The following ZNF160 variants were observed in gnomAD, a reference collection of about 807,000 sequenced individuals.
ZNF160 encodes the protein KRAB zinc finger protein KR18.
ZNF160 carries 9 observed loss-of-function variants against 13.1 expected under a neutral mutation model. The observed-to-expected ratio is 0.69, with a 90% CI of 0.41 to 1.20. The LOEUF (loss-of-function observed/expected upper bound fraction) is 1.20. Among genes scored for constraint, ZNF160 ranks in the 50% most tolerant of loss-of-function variants. The pLI is 0.01. For synonymous variants in ZNF160, 293 were observed against 333.2 expected (o/e 0.88, Z 1.31); for missense variants, 838 against 988.0 (o/e 0.85, Z 2.04).
chr19:53,091,000 C>T (rs1341683529), intron 2 of ZNF160: 3 of 152,294 alleles, frequency 2.0e-5, no homozygotes, highest in East Asian at 1.9e-4. Context: ...CTCTCATGGA[C>T]ACCTCTGAAT....
At position 53,073,523 on chromosome 19, in the gene ZNF160, G is replaced by T. The variant is rs1400021304; in HGVS notation, c.271+617C>A. ...TCCTGAGCAGGTCTTCCACGCACAG[G>T]AAATGGGGTGGAACATAAACAGGTC... On this transcript the variant is annotated intron_variant, in intron 5 of 5. Coordinates refer to ENST00000683776, the MANE Select transcript of ZNF160 (RefSeq NM_001322131.2). 2.5e-6 allele frequency: 4 copies of T among 1,592,890 alleles called. No homozygotes were observed. In the African/African-American group the frequency reaches 5.3e-5, roughly 21 times the overall value.
intron 3 of ZNF160, among the ~76,000 whole-genome samples, chr19:53,082,081 G>A (rs1250421676): frequency 1.3e-5 from 2 of 152,132 alleles, no homozygotes; most frequent in Non-Finnish European, 2.9e-5. Flanking sequence ...CAAACACAAA[G>A]ATGAGAACAA....
chr19:53,081,072 G>C (rs1330601644), intron 3 of ZNF160, among the ~76,000 whole-genome samples: 2 of 152,074 alleles, frequency 1.3e-5, no homozygotes, highest in African/African-American at 4.8e-5. Flanking sequence ...AAATTAACTT[G>C]AGATGGATTA....
chr19:53,098,886 T>A (rs2085338338), intron 1 of ZNF160, among the ~76,000 whole-genome samples: 1 of 150,832 alleles, frequency 6.6e-6, no homozygotes, highest in Non-Finnish European at 1.5e-5. Context: ...TTTTCAGGCC[T>A]CAGTGAGGCC....
At chr19:53,073,940 C>T (rs2084280424) in intron 5 of ZNF160, among the ~76,000 whole-genome samples, 200 bp downstream of exon 5, 1 of 152,144 alleles carries the variant, frequency 6.6e-6, no homozygotes, top group South Asian at 2.1e-4. Context: ...CACACGCCAC[C>T]ATGCCCGGCT....
At position 53,075,094 on chromosome 19, in the gene ZNF160, G is replaced by A. The variant is rs780480134; in HGVS notation, c.105C>T (p.Asp35=). The change falls in exon 4 of 6, where the codon GAC becomes GAT. Residue 35 remains aspartate, a synonymous_variant. Coordinates refer to ENST00000683776, the MANE Select transcript of ZNF160 (RefSeq NM_001322131.2). ...GGTTCCAGTAGTTCTCCAACATCAC[G>A]TCCCTGTATAAGATCCTCTGAGCAG... ...LDPAQRILYR[D]VMLENYWNLV... The A allele has an allele frequency of 3.5e-5, 57 of 1,613,974 alleles. 1 individual carries two copies. The highest frequency in any genetic ancestry group is 2.7e-4 in the South Asian group (25 of 91,080).
intron 3 of ZNF160, among the ~76,000 whole-genome samples, chr19:53,079,660 C>CA (rs33935376): frequency 0.13 from 16,571 of 124,456 alleles, 1,133 homozygotes; most frequent in South Asian, 0.22. Context: ...ACAATAGCAG[C>CA]AAAAAAAAAA....
At chr19:53,078,501 G>T (rs1010763742) in intron 3 of ZNF160, among the ~76,000 whole-genome samples, 3 of 152,064 alleles carry the variant, frequency 2.0e-5, no homozygotes, top group African/African-American at 7.2e-5. Context: ...AGCTACTCAG[G>T]AGGCTGAGGC....
chr19:53,083,797 C>T (rs1449215269), intron 3 of ZNF160, among the ~76,000 whole-genome samples: 4 of 152,204 alleles, frequency 2.6e-5, no homozygotes, highest in Non-Finnish European at 5.9e-5. Context: ...GTCCCAGCTA[C>T]TCAGGAGACT....
chr19:53,073,050 C>T, intron 5 of ZNF160: 1 of 681,496 alleles, frequency 1.5e-6, no homozygotes, highest in South Asian at 3.7e-5. Flanking sequence ...TGGAAACAAG[C>T]CTATTACCAT....
chr19:53,089,276 T>C (rs977388640), intron 2 of ZNF160, among the ~76,000 whole-genome samples: 2 of 152,200 alleles, frequency 1.3e-5, no homozygotes, highest in Non-Finnish European at 2.9e-5. Context: ...AGTTGAAGTA[T>C]AAGTTCACCC....
At position 53,069,221 on chromosome 19, in the gene ZNF160, G is replaced by T. The variant is rs888951885; in HGVS notation, c.1313C>A (p.Ser438Ter). The T allele has an allele frequency of 6.2e-7, 1 of 1,611,470 alleles. No individual in the cohort carries two copies. Among genetic ancestry groups the T allele is most frequent in the Non-Finnish European group, 8.5e-7 (1 of 1,178,078 alleles). Reference protein sequence around the residue: ...NECGKVFRYNSYLGRHRRVHT... With the variant: ...NECGKVFRYN The stretch of plus-strand genomic sequence containing the variant: ...AACTCTCCGATGCCTTCCGAGGTAT[G>T]AATTGTACCTAAAGACTTTGCCACA... The change falls in exon 6 of 6, where the codon TCA becomes TAA. Residue 438 changes from serine to a stop codon, truncating the protein, a stop_gained. Coordinates refer to ENST00000683776, the MANE Select transcript of ZNF160 (RefSeq NM_001322131.2). LOFTEE classifies it low-confidence loss of function (END_TRUNC). This position sits in a 1 kb window ranked among gnomAD's most constrained non-coding sequence, Gnocchi z 4.4.
chr19:53,072,972 A>G (rs759175119), intron 5 of ZNF160: 51 of 660,048 alleles, frequency 7.7e-5, no homozygotes, highest in Non-Finnish European at 9.4e-5. Context: ...CTATATTGAC[A>G]AATTATAGTT....
chr19:53,078,005 G>A (rs2084470111), intron 3 of ZNF160, among the ~76,000 whole-genome samples: 1 of 152,052 alleles, frequency 6.6e-6, no homozygotes, highest in Middle Eastern at 3.2e-3. Flanking sequence ...ACTTTGGGAG[G>A]CTAAGGCGGG....
chr19:53,069,955 C>G lies in ZNF160; in HGVS notation c.579G>C (p.Gln193His), dbSNP rs767393674. 34 of 1,614,006 alleles carry G rather than the reference C, an allele frequency of 2.1e-5. No individual in the cohort carries two copies. The highest frequency in any genetic ancestry group is 2.9e-5 in the Non-Finnish European group (34 of 1,180,032). The change falls in exon 6 of 6, where the codon CAG (glutamine) becomes CAC (histidine). Residue 193 changes from glutamine (Q) to histidine (H), a missense_variant. This residue lies in a region of ZNF160 where 387 missense variants were observed against 402.3 expected (regional missense o/e 0.96). Coordinates refer to ENST00000683776, the MANE Select transcript of ZNF160 (RefSeq NM_001322131.2). The surrounding 1 kb of genome is among the most constrained non-coding windows in gnomAD (Gnocchi z 4.4). ...ACATTTTCCCCTCACCTTGAAATAG[C>G]TGCAGTTCAGGCAGATGAGAATGAA... ...VSFHSHLPEL[Q>H]LFQGEGKMYE...
At chr19:53,098,007 C>G (rs897597730) in intron 1 of ZNF160, among the ~76,000 whole-genome samples, 1 of 152,192 alleles carries the variant, frequency 6.6e-6, no homozygotes. Flanking sequence ...GATTCCACTG[C>G]CTTCAGTCCT....
At position 53,068,572 on chromosome 19, in the gene ZNF160, A is replaced by G; in HGVS notation, c.1962T>C (p.Cys654=). 19 of 1,614,184 alleles carry G rather than the reference A, an allele frequency of 1.2e-5. No homozygotes were observed. The highest frequency in any genetic ancestry group is 1.6e-5 in the Non-Finnish European group (19 of 1,180,040). Residue 654 remains cysteine (C), a synonymous_variant, in exon 6 of 6, where the codon TGT becomes TGC. Transcript: ENST00000683776. The part of the protein sequence containing the change: ...TGEKPYKCNE[C]GKAFSMHSNL... Reference sequence around the variant, plus strand: ...TTGAATGCATACTAAAGGCTTTCCCACACTCATTACACTTGTAAGGTTTCT... The same window carrying G: ...TTGAATGCATACTAAAGGCTTTCCCGCACTCATTACACTTGTAAGGTTTCT...
rs200786878 is a variant in ZNF160, at chr19:53,070,150, G to C, written c.384C>G (p.Asp128Glu). 208 of 1,614,108 alleles carry C rather than the reference G, an allele frequency of 1.3e-4. No homozygotes were observed. Among genetic ancestry groups the C allele is most frequent in the Non-Finnish European group, 1.7e-4 (195 of 1,180,028 alleles). ...LERHESPDIE[D>E]FSFKEPQKNV... ...TTTTCTGGGGTTCCTTGAAGGAAAA[G>C]TCTTCAATGTCAGGGCTTTCGTGTC... The change falls in exon 6 of 6, where the codon GAC becomes GAG. Residue 128 changes from aspartate (D) to glutamate (E), a missense_variant. Physicochemically the swap from Asp to Glu is conservative, Grantham distance 45 (BLOSUM62 2). Transcript: ENST00000683776.
intron 3 of ZNF160, among the ~76,000 whole-genome samples, chr19:53,078,395 G>A (rs1244697534): frequency 6.6e-6 from 1 of 151,848 alleles, no homozygotes; most frequent in African/African-American, 2.4e-5. Flanking sequence ...GTGCTACAAA[G>A]TGAGACCCCA....
Sources: allele counts gnomAD v4.1 joint callset (sites outside exome capture counted in the v4.1 genomes callset), GRCh38; gene constraint gnomAD v4.1.1; regional missense constraint gnomAD v4.1.1; non-coding constraint Gnocchi (gnomAD v3.1); transcripts MANE v1.5; gene names NCBI Gene and HGNC (gene_info 2026-07-23, HGNC 2026-07-21).